The following OTOA variants were observed in gnomAD, a reference collection of about 807,000 sequenced individuals.
The protein encoded by OTOA is otoancorin.
A neutral mutation model predicts 110.8 loss-of-function variants in OTOA; 70 were observed. The ratio of observed to expected loss-of-function variants is 0.63; its 90% confidence interval spans 0.52 to 0.77. The LOEUF is 0.77. Among genes scored for constraint, OTOA ranks in the 30% least tolerant of loss-of-function variants. The pLI, the probability that OTOA is intolerant of heterozygous loss-of-function variation, is 0.00. For synonymous variants in OTOA, 373 were observed against 431.5 expected, an observed-to-expected ratio of 0.86 and a Z score of 1.68; for missense variants, 917 against 1,075.8, an observed-to-expected ratio of 0.85 and a Z score of 2.06.
chr16:21,665,418 G>A (rs188296495), intron 1 of OTOA, among the ~76,000 whole-genome samples: 4 of 152,270 alleles, frequency 2.6e-5, no homozygotes, highest in Admixed American at 1.3e-4. Context: ...TTAGAGAGGC[G>A]TGTACTTAGT....
intron 1 of OTOA, among the ~76,000 whole-genome samples, chr16:21,667,118 C>G (rs767736119): frequency 1.3e-5 from 2 of 152,090 alleles, no homozygotes; most frequent in Non-Finnish European, 2.9e-5. Flanking sequence ...TTGAGCATTC[C>G]AGTTACAGGA....
chr16:21,713,188 C>T (rs769587394), intron 13 of OTOA, among the ~76,000 whole-genome samples: 6 of 152,162 alleles, frequency 3.9e-5, no homozygotes, highest in East Asian at 1.9e-4. Context: ...AGATCTCAAA[C>T]TCCTGGGCTC....
At chr16:21,693,563 A>G (rs961733117) in intron 9 of OTOA, among the ~76,000 whole-genome samples, 2 of 152,126 alleles carry the variant, frequency 1.3e-5, no homozygotes, top group Admixed American at 6.6e-5. Context: ...AAATTTAGAT[A>G]CTGGTAGCGG....
At chr16:21,672,639 A>G (rs1004690581) in intron 1 of OTOA, among the ~76,000 whole-genome samples, 1 of 151,492 alleles carries the variant, frequency 6.6e-6, no homozygotes, top group Non-Finnish European at 1.5e-5. Context: ...AAAAAAAAAA[A>G]TTGACATATA....
rs146396254 is a variant in OTOA at position 21,705,514 on chromosome 16, C to G, written c.1104+222C>G. 51 of 688,688 alleles carry G rather than the reference C, an allele frequency of 7.4e-5. No individual in the cohort carries two copies. In the East Asian group the frequency reaches 1.5e-3, roughly 21 times the overall value. 42.7% of individuals were successfully genotyped at this position (688,688 alleles called of 1,614,324 possible). ...GACCCTGGGGAGATCAAAATTTAAT[C>G]AGAAAGCTGTCTCAGCCAGGCGCGG... is the stretch of plus-strand genomic sequence containing the variant. On this transcript the variant is annotated intron_variant, in intron 12 of 28. Coordinates refer to ENST00000646100, the MANE Select transcript of OTOA (RefSeq NM_144672.4).
intron 17 of OTOA, among the ~76,000 whole-genome samples, chr16:21,722,097 CA>C (rs71379629): frequency 0.42 from 53,073 of 127,490 alleles, 10,398 homozygotes; most frequent in Middle Eastern, 0.45. Flanking sequence ...ACTAAAAATA[CA>C]AAAAAAAAAA....
At chr16:21,709,259 C>T (rs943025828) in intron 12 of OTOA, among the ~76,000 whole-genome samples, 1 of 152,098 alleles carries the variant, frequency 6.6e-6, no homozygotes, top group Admixed American at 6.6e-5. Flanking sequence ...TGGTGAAACC[C>T]TGTCTCTACT....
chr16:21,696,040 G>A (rs982151276), intron 9 of OTOA, among the ~76,000 whole-genome samples: 15 of 151,090 alleles, frequency 9.9e-5, no homozygotes, highest in Middle Eastern at 3.4e-3. Flanking sequence ...GACTACAGGC[G>A]TGCGCTACCA....
chr16:21,696,416 G>A (rs547080559), intron 9 of OTOA, among the ~76,000 whole-genome samples: 2 of 152,194 alleles, frequency 1.3e-5, no homozygotes, highest in Admixed American at 6.5e-5. Flanking sequence ...TGGTGAGCAG[G>A]GCCAAGGCCA....
At chr16:21,730,602 C>T (rs1440720520) in intron 20 of OTOA, 3 of 466,730 alleles carry the variant, frequency 6.4e-6, no homozygotes, top group Admixed American at 6.7e-5. Flanking sequence ...TCCCCTACTG[C>T]CAGAGATACC....
In OTOA at chr16:21,675,307, ATTTTTTTTTT is replaced by A. The variant is rs57498010; in HGVS notation, c.-4-3183_-4-3174del. Among the ~76,000 whole-genome samples, 23 of 37,158 alleles carry A rather than the reference ATTTTTTTTTT, an allele frequency of 6.2e-4. No homozygotes were observed. In the East Asian group the frequency reaches 6.3e-3, roughly 10 times the overall value. 24.4% of individuals were successfully genotyped at this position (37,158 alleles called of 152,430 possible). A position where few individuals can be genotyped will look rare whatever the true frequency, so the allele number is the denominator to read the frequency against. On this transcript the variant is annotated intron_variant, in intron 1 of 28. Coordinates refer to ENST00000646100, the MANE Select transcript of OTOA (RefSeq NM_144672.4). Reference sequence around the variant, plus strand: ...GGGATTACAGCCACCACACCTGGCTATTTTTTTTTTTTTTTTTTTTTTTTTTTTTTATAGA... The same window carrying A: ...GGGATTACAGCCACCACACCTGGCTATTTTTTTTTTTTTTTTTTTTATAGA...
chr16:21,736,979 G>A, intron 22 of OTOA, among the ~76,000 whole-genome samples: 1 of 152,310 alleles, frequency 6.6e-6, no homozygotes, highest in Non-Finnish European at 1.5e-5. Context: ...GTTTAACATA[G>A]CAGTGACAGG....
intron 21 of OTOA, among the ~76,000 whole-genome samples, chr16:21,735,832 G>T (rs2141731509): frequency 6.6e-6 from 1 of 152,234 alleles, no homozygotes. Flanking sequence ...GACCTCAAGT[G>T]ATTTGCCTGC....
chr16:21,668,344 A>G (rs1889248685), intron 1 of OTOA, among the ~76,000 whole-genome samples: 4 of 152,112 alleles, frequency 2.6e-5, no homozygotes, highest in Admixed American at 6.6e-5. Flanking sequence ...TCCTGGCCTC[A>G]AACAATCCTC....
chr16:21,701,217 G>T, intron 11 of OTOA, 190 bp downstream of exon 11: 1 of 808,348 alleles, frequency 1.2e-6, no homozygotes. Flanking sequence ...TTATGAAGCT[G>T]GGTGAAAGGA....
rs549595670 is a variant in OTOA at position 21,688,385 on chromosome 16, T to A, written c.635+737T>A. On this transcript the variant is annotated intron_variant, in intron 8 of 28. Transcript: ENST00000646100. ...ACCTGGGCGACAGAGTGAGACTCCA[T>A]CTCAAAAACAAAAACAAACAAACAA... is the stretch of plus-strand genomic sequence containing the variant. 7.1e-4 allele frequency among the ~76,000 whole-genome samples: 108 copies of A among 151,726 alleles called. 1 individual carries two copies. The South Asian group carries it at 9.2e-3, about 13-fold the overall frequency.
Position 21,700,724 on chromosome 16 carries a change from C to CA in OTOA, c.841-149dup, listed in dbSNP as rs3054189. Among the ~76,000 whole-genome samples, 917 of 115,698 alleles carry CA rather than the reference C, an allele frequency of 7.9e-3. 32 individuals are homozygous for CA. The highest frequency in any genetic ancestry group is 0.024 in the African/African-American group (730 of 30,104). 75.9% of individuals were successfully genotyped at this position (115,698 alleles called of 152,430 possible). A position where few individuals can be genotyped will look rare whatever the true frequency, so the allele number is the denominator to read the frequency against. ...TGGGCGACAGAGTGAGACTCCATCT[C>CA]AAAAAAAAAAAAAAAGAAAAGAAAA... On this transcript the variant is annotated intron_variant, in intron 10 of 28. Transcript: ENST00000646100.
intron 21 of OTOA, among the ~76,000 whole-genome samples, chr16:21,731,395 G>C (rs549099585): frequency 9.2e-5 from 14 of 152,336 alleles, no homozygotes; most frequent in Non-Finnish European, 1.8e-4. Context: ...TCTAGACCAA[G>C]GGGCATGCAA....
At chr16:21,687,372 G>A (rs760006213) in intron 7 of OTOA, 41 bp from the exon 8 acceptor site, 4 of 1,567,568 alleles carry the variant, frequency 2.6e-6, no homozygotes, top group Non-Finnish European at 3.5e-6. Flanking sequence ...CAAATTGAGA[G>A]GCAGCTCTCA....
Sources: gnomAD v4.1 joint callset for allele counts (sites outside exome capture counted in the v4.1 genomes callset) on GRCh38, gnomAD v4.1.1 for gene constraint, MANE v1.5 for transcripts, NCBI Gene and HGNC (gene_info 2026-07-23, HGNC 2026-07-21) for gene names.